Variants in PRELID2 observed in about 807,000 individuals in gnomAD.
PRELID2 encodes PRELI domain-containing protein 2.
PRELID2 carries 25 observed loss-of-function variants against 28.4 expected under a neutral mutation model. The observed-to-expected ratio is 0.88, with a 90% confidence interval of 0.64 to 1.23. The LOEUF (loss-of-function observed/expected upper bound fraction) is 1.23. PRELID2 is among the 50% of genes most tolerant of loss of function. PRELID2 has a pLI of 0.00. For synonymous variants in PRELID2, 76 were observed against 71.6 expected (o/e 1.06, Z -0.31); for missense variants, 201 against 214.4 (o/e 0.94, Z 0.39).
intron 1 of PRELID2, among the ~76,000 whole-genome samples, chr5:145,492,329 T>C (rs1752276666): frequency 6.6e-6 from 1 of 152,148 alleles, no homozygotes; most frequent in Non-Finnish European, 1.5e-5. Flanking sequence ...TGTCTTCTTT[T>C]GCAAAATGTC....
the PRELID2 span, among the ~76,000 whole-genome samples, chr5:145,458,853 A>C: frequency 1.3e-5 from 2 of 152,192 alleles, no homozygotes; most frequent in Non-Finnish European, 2.9e-5. Context: ...TAAAGAAAAA[A>C]ATCTGATTTG....
At chr5:145,743,095 G>A (rs1756880816) in intron 1 of PRELID2, among the ~76,000 whole-genome samples, 1 of 151,918 alleles carries the variant, frequency 6.6e-6, no homozygotes, top group Admixed American at 6.6e-5. Context: ...ACTAGAAATG[G>A]GGGTGATAGA....
the PRELID2 span, among the ~76,000 whole-genome samples, chr5:145,363,116 GA>G: frequency 0.11 from 9,310 of 84,052 alleles, 368 homozygotes; most frequent in South Asian, 0.27. Context: ...ATGGCTATAA[GA>G]AAAAAAAAAA....
the PRELID2 span, among the ~76,000 whole-genome samples, chr5:145,266,643 G>T: frequency 6.6e-6 from 1 of 152,122 alleles, no homozygotes; most frequent in Non-Finnish European, 1.5e-5. Flanking sequence ...ATTCCTTAAA[G>T]AACTAAAAGT....
At chr5:145,443,185 C>T in the PRELID2 span, among the ~76,000 whole-genome samples, 1 of 152,044 alleles carries the variant, frequency 6.6e-6, no homozygotes, top group South Asian at 2.1e-4. Context: ...TCCAACCTGG[C>T]ATTGTCTTTA....
intron 1 of PRELID2, among the ~76,000 whole-genome samples, chr5:145,833,591 G>A (rs1243918758): frequency 6.6e-6 from 1 of 152,132 alleles, no homozygotes; most frequent in Non-Finnish European, 1.5e-5. Context: ...GAAAATCAAC[G>A]AACATATCAG....
At chr5:145,566,310 A>G (rs1752966831) in intron 1 of PRELID2, among the ~76,000 whole-genome samples, 1 of 152,180 alleles carries the variant, frequency 6.6e-6, no homozygotes, top group Non-Finnish European at 1.5e-5. Flanking sequence ...TTTTTTGCCA[A>G]GTACACCACA....
chr5:145,433,830 T>C, the PRELID2 span, among the ~76,000 whole-genome samples: 2 of 152,198 alleles, frequency 1.3e-5, no homozygotes, highest in African/African-American at 4.8e-5. Context: ...TGGTACTGTA[T>C]CTATGTTGTC....
the PRELID2 span, among the ~76,000 whole-genome samples, chr5:145,310,280 G>A: frequency 6.6e-6 from 1 of 152,186 alleles, no homozygotes; most frequent in Non-Finnish European, 1.5e-5. Flanking sequence ...AGTTTGGATA[G>A]AGGGAGAGAA....
rs555601831 is a variant in PRELID2, at chr5:145,479,513, A to G, written n.71-6198T>C. Among the ~76,000 whole-genome samples, 8 of 152,196 alleles carry G rather than the reference A, an allele frequency of 5.3e-5. No homozygotes were observed. In the South Asian group the frequency reaches 1.7e-3, roughly 32 times the overall value. On this transcript the variant is annotated intron_variant and non_coding_transcript_variant, in intron 1 of 2. Coordinates refer to the PRELID2 transcript ENST00000510259. ...TGTGCTCACAGCTTCCTGTCATCAC[A>G]TTCCTCACATTGTGTTATTACCATT...
chr5:145,604,215 TAGAC>T (rs1489026918), intron 1 of PRELID2, among the ~76,000 whole-genome samples: 1 of 152,038 alleles, frequency 6.6e-6, no homozygotes, highest in Non-Finnish European at 1.5e-5. Flanking sequence ...GCATACCCAA[TAGAC>T]AGATTTTTTA....
At chr5:145,571,830 A>C (rs1186954573) in intron 1 of PRELID2, among the ~76,000 whole-genome samples, 1 of 151,920 alleles carries the variant, frequency 6.6e-6, no homozygotes. Flanking sequence ...AAATACAACA[A>C]ATTAGCCACG....
Position 145,684,799 on chromosome 5 carries a change from G to T in PRELID2, n.70+80132C>A, listed in dbSNP as rs1472653960. Among the ~76,000 whole-genome samples, 3 of 152,276 alleles carry T rather than the reference G, an allele frequency of 2.0e-5. No homozygotes were observed. The East Asian group carries it at 5.8e-4, about 29-fold the overall frequency. ...AGGTAATGACCAGCACCAGCATTTG[G>T]AGTACAGATTGTAGTCATGGGTGCT... On this transcript the variant is annotated intron_variant and non_coding_transcript_variant, in intron 1 of 2. Transcript: ENST00000510259.
At chr5:145,242,864 A>G in the PRELID2 span, among the ~76,000 whole-genome samples, 12,683 of 152,042 alleles carry the variant, frequency 0.083, 1,138 homozygotes, top group African/African-American at 0.23. Flanking sequence ...AAAGTGATTT[A>G]TAGCTTTTAG....
chr5:145,742,226 A>G (rs907856708), intron 1 of PRELID2, among the ~76,000 whole-genome samples: 7 of 140,408 alleles, frequency 5.0e-5, no homozygotes, highest in East Asian at 2.1e-4. Context: ...TTATTTATAT[A>G]TAAATAAAAT....
the PRELID2 span, among the ~76,000 whole-genome samples, chr5:145,262,536 G>A: frequency 6.6e-6 from 1 of 152,086 alleles, no homozygotes; most frequent in Non-Finnish European, 1.5e-5. Flanking sequence ...CCTATCTTTT[G>A]CCTCCTTAAA....
the PRELID2 span, among the ~76,000 whole-genome samples, chr5:145,315,380 C>G: frequency 6.6e-6 from 1 of 152,038 alleles, no homozygotes; most frequent in African/African-American, 2.4e-5. Context: ...TACAATAATT[C>G]TTAAATTTAT....
chr5:145,672,821 A>T (rs1754735873), intron 1 of PRELID2, among the ~76,000 whole-genome samples: 1 of 152,176 alleles, frequency 6.6e-6, no homozygotes, highest in South Asian at 2.1e-4. Flanking sequence ...TGATCTTTCC[A>T]CTGAATGCAG....
rs1223628187 is a variant in PRELID2 at position 145,759,584 on chromosome 5, T to C, written c.*952A>G. ...CAGTCCAACAATCTCACAAAATTAA[T>C]TCTATCATCTTGTTTCACAAATTTT... On this transcript the variant is annotated 3_prime_UTR_variant, in exon 7 of 7. Coordinates refer to ENST00000683046, the MANE Select transcript of PRELID2 (RefSeq NM_205846.3). 1 of 152,210 alleles carries C rather than the reference T, an allele frequency of 6.6e-6. No individual in the cohort carries two copies. Among genetic ancestry groups the C allele is most frequent in the Non-Finnish European group, 1.5e-5 (1 of 68,032 alleles). 9.4% of individuals were successfully genotyped at this position (152,210 alleles called of 1,614,324 possible).
Sources: allele counts gnomAD v4.1 joint callset (sites outside exome capture counted in the v4.1 genomes callset), GRCh38; gene constraint gnomAD v4.1.1; transcripts MANE v1.5; gene names NCBI Gene and HGNC (gene_info 2026-07-23, HGNC 2026-07-21).